The following MTHFD2L variants were observed in gnomAD, a reference collection of about 807,000 sequenced individuals.
MTHFD2L encodes bifunctional methylenetetrahydrofolate dehydrogenase/cyclohydrolase 2, mitochondrial.
In MTHFD2L, 29 loss-of-function variants were observed where a neutral mutation model predicts 34.9. That is an observed-to-expected ratio of 0.83 (90% CI 0.62 to 1.13). The LOEUF is 1.13. MTHFD2L is among the 50% of genes most tolerant of loss of function. The pLI, the probability that MTHFD2L is intolerant of heterozygous loss-of-function variation, is 0.00. For synonymous variants in MTHFD2L, 167 were observed against 155.7 expected, an observed-to-expected ratio of 1.07 and a Z score of -0.54; for missense variants, 481 against 446.5, an observed-to-expected ratio of 1.08 and a Z score of -0.70.
rs572964969 is a variant in MTHFD2L, at chr4:74,224,426, G to T, written c.713-876G>T. On this transcript the variant is annotated intron_variant, in intron 5 of 7. Coordinates refer to ENST00000325278, the MANE Select transcript of MTHFD2L (RefSeq NM_001144978.3). ...TGTTTTTGGAGTCTGTAGAAATTAG[G>T]TCTTCCAGTTTTTCTAAAAATGGTG... Among the ~76,000 whole-genome samples, 5 of 152,164 alleles carry T rather than the reference G, an allele frequency of 3.3e-5. No individual in the cohort carries two copies. The South Asian group carries it at 6.2e-4, about 19-fold the overall frequency.
intron 6 of MTHFD2L, among the ~76,000 whole-genome samples, chr4:74,236,916 A>G (rs1050955631): frequency 1.3e-5 from 2 of 152,078 alleles, no homozygotes; most frequent in Admixed American, 6.6e-5. Flanking sequence ...TTTTTTTTAA[A>G]TAAACCTTAC....
chr4:74,133,126 C>G (rs1351496913), intron 1 of MTHFD2L, among the ~76,000 whole-genome samples: 2 of 152,160 alleles, frequency 1.3e-5, no homozygotes, highest in Middle Eastern at 3.2e-3. Context: ...GACAATTTCT[C>G]TTTGTTAATG....
At chr4:74,174,884 A>C (rs1308343103) in intron 2 of MTHFD2L, among the ~76,000 whole-genome samples, 194 bp downstream of exon 2, 1 of 152,114 alleles carries the variant, frequency 6.6e-6, no homozygotes, top group South Asian at 2.1e-4. Flanking sequence ...GGGTTAATTC[A>C]GTGTGTTTTA....
chr4:74,245,846 A>T (rs1007468606), intron 6 of MTHFD2L, among the ~76,000 whole-genome samples: 46 of 151,348 alleles, frequency 3.0e-4, no homozygotes, highest in African/African-American at 1.1e-3. Flanking sequence ...CATGGTGTAT[A>T]TGTGCCACAT....
intron 1 of MTHFD2L, among the ~76,000 whole-genome samples, chr4:74,148,339 C>T (rs1723724156): frequency 6.8e-6 from 1 of 147,802 alleles, no homozygotes; most frequent in South Asian, 2.2e-4. Flanking sequence ...ATTGCCTTTT[C>T]CCACACATTT....
intron 6 of MTHFD2L, among the ~76,000 whole-genome samples, chr4:74,231,658 C>T: frequency 6.6e-6 from 1 of 152,068 alleles, no homozygotes; most frequent in East Asian, 1.9e-4. Context: ...GTAAGAATTC[C>T]AGGATTTAAA....
At chr4:74,236,588 A>G (rs1182614087) in intron 6 of MTHFD2L, among the ~76,000 whole-genome samples, 1 of 152,254 alleles carries the variant, frequency 6.6e-6, no homozygotes, top group Non-Finnish European at 1.5e-5. Flanking sequence ...GCCAGGGTCT[A>G]CATTGCTAGT....
chr4:74,139,085 G>T (rs1723130981), intron 1 of MTHFD2L, among the ~76,000 whole-genome samples: 1 of 152,072 alleles, frequency 6.6e-6, no homozygotes, highest in Admixed American at 6.5e-5. Context: ...AGCTTGTTTT[G>T]GTGTTTATTG....
chr4:74,266,949 T>TA, intron 6 of MTHFD2L: 1 of 985,410 alleles, frequency 1.0e-6, no homozygotes, highest in Non-Finnish European at 1.2e-6. Flanking sequence ...GGTACATCTT[T>TA]AAAAGAAAGA....
intron 6 of MTHFD2L, among the ~76,000 whole-genome samples, chr4:74,253,659 C>T (rs1425985532): frequency 2.0e-5 from 3 of 152,132 alleles, no homozygotes; most frequent in Non-Finnish European, 2.9e-5. Context: ...CACCATGGCC[C>T]CAGGCTCCAG....
intron 1 of MTHFD2L, among the ~76,000 whole-genome samples, chr4:74,134,857 G>C (rs764208111): frequency 6.6e-6 from 1 of 151,916 alleles, no homozygotes; most frequent in Non-Finnish European, 1.5e-5. Flanking sequence ...CCACAGAATA[G>C]GTCAAGCAGA....
At chr4:74,228,806 A>G (rs933134696) in intron 6 of MTHFD2L, among the ~76,000 whole-genome samples, 2 of 152,218 alleles carry the variant, frequency 1.3e-5, no homozygotes, top group South Asian at 2.1e-4. Context: ...TAAACAAGAC[A>G]GGAGCCAGGA....
chr4:74,203,578 A>G (rs1734806419), intron 5 of MTHFD2L, among the ~76,000 whole-genome samples: 1 of 152,162 alleles, frequency 6.6e-6, no homozygotes, highest in African/African-American at 2.4e-5. Context: ...GCAGAAGGCA[A>G]AGGTGGAGCC....
intron 1 of MTHFD2L, among the ~76,000 whole-genome samples, chr4:74,174,093 G>C (rs1195507632): frequency 3.9e-5 from 6 of 152,086 alleles, no homozygotes; most frequent in African/African-American, 1.4e-4. Flanking sequence ...CTGTCTTCGT[G>C]CTATGTCCTC....
chr4:74,237,142 A>G (rs1740967174), intron 6 of MTHFD2L, among the ~76,000 whole-genome samples: 1 of 152,208 alleles, frequency 6.6e-6, no homozygotes, highest in South Asian at 2.1e-4. Context: ...GAGAAAGGAA[A>G]TACAAAGAAA....
upstream of MTHFD2L, chr4:74,157,391 T>G: frequency 3.2e-6 from 1 of 308,176 alleles, no homozygotes; most frequent in South Asian, 2.7e-5. Flanking sequence ...GTGTCTGTCT[T>G]AATTTGCAAA....
intron 6 of MTHFD2L, among the ~76,000 whole-genome samples, chr4:74,275,048 G>T (rs188717371): frequency 6.6e-6 from 1 of 151,962 alleles, no homozygotes; most frequent in Non-Finnish European, 1.5e-5. Context: ...ACCTATCAAC[G>T]CATCACCTAG....
intron 2 of MTHFD2L, among the ~76,000 whole-genome samples, chr4:74,118,136 CATT>C (rs1721686998): frequency 6.6e-6 from 1 of 152,090 alleles, no homozygotes; most frequent in Non-Finnish European, 1.5e-5. Flanking sequence ...TATTAAATAA[CATT>C]ATTAAGTTAA....
Position 74,302,977 on chromosome 4 carries a change from A to G in MTHFD2L, c.*1168A>G, listed in dbSNP as rs1199554546. ...CAAATCCCAGTATGTTTATGTACCA[A>G]TAATGACTCTTACCCAGCGCATGTC... is the stretch of plus-strand genomic sequence containing the variant. On this transcript the variant is annotated 3_prime_UTR_variant, in exon 8 of 8. Coordinates refer to ENST00000325278, the MANE Select transcript of MTHFD2L (RefSeq NM_001144978.3). 2.6e-5 allele frequency: 4 copies of G among 152,146 alleles called. No homozygotes were observed. The highest frequency in any genetic ancestry group is 5.9e-5 in the Non-Finnish European group (4 of 67,984). The allele number at this position is 152,146 out of a possible 1,614,324, so 9.4% of individuals were successfully genotyped here.
Sources: allele counts gnomAD v4.1 joint callset (sites outside exome capture counted in the v4.1 genomes callset), GRCh38; gene constraint gnomAD v4.1.1; transcripts MANE v1.5; gene names NCBI Gene and HGNC (gene_info 2026-07-23, HGNC 2026-07-21).